ATF2: variants seen among roughly 807,000 people sequenced by gnomAD.
ATF2 encodes the protein activating transcription factor 2.
In ATF2, 24 loss-of-function variants were observed where a neutral mutation model predicts 60.6. The observed-to-expected ratio is 0.40, with a 90% CI of 0.29 to 0.56. The LOEUF (loss-of-function observed/expected upper bound fraction) is 0.56. ATF2 is among the 20% of genes least tolerant of loss of function. The pLI is 0.54. For missense variants in ATF2, 433 were observed against 607.7 expected (o/e 0.71, Z 3.02); for synonymous variants, 206 against 215.4 (o/e 0.96, Z 0.38).
At position 175,157,677 on chromosome 2, in the gene ATF2, CACG is replaced by C. The variant is rs1443733037; in HGVS notation, c.-142-6522_-142-6520del. Among the ~76,000 whole-genome samples, 19 of 152,256 alleles carry C rather than the reference CACG, an allele frequency of 1.2e-4. No individual in the cohort carries two copies. The East Asian group carries it at 3.7e-3, about 29-fold the overall frequency. On this transcript the variant is annotated intron_variant, in intron 1 of 13. Coordinates refer to ENST00000264110, the MANE Select transcript of ATF2 (RefSeq NM_001880.4). ...GGCACGCTAGCACAATGACACTAGACACGACTTTATTCCCTTTCAAACATCTGT... is the reference window on the plus strand; with the variant it reads ...GGCACGCTAGCACAATGACACTAGACACTTTATTCCCTTTCAAACATCTGT...
At chr2:175,163,013 A>G (rs1366579184) in intron 1 of ATF2, among the ~76,000 whole-genome samples, 3 of 152,126 alleles carry the variant, frequency 2.0e-5, no homozygotes, top group Non-Finnish European at 4.4e-5. Context: ...GGGTGCCTGT[A>G]GTCCCAGCTA....
At chr2:175,156,377 CAAAAAAAAAAAAAAA>C (rs57399474) in intron 1 of ATF2, among the ~76,000 whole-genome samples, 1 of 55,982 alleles carries the variant, frequency 1.8e-5, no homozygotes, top group African/African-American at 5.8e-5. Context: ...TCTCAAAAAA[CAAAAAAAAAAAAAAA>C]AAAAAAAAAA....
chr2:175,158,085 T>G (rs1399386330), intron 1 of ATF2, among the ~76,000 whole-genome samples: 1 of 152,086 alleles, frequency 6.6e-6, no homozygotes, highest in Non-Finnish European at 1.5e-5. Context: ...ATGACTATCT[T>G]CATACATTCC....
intron 12 of ATF2, among the ~76,000 whole-genome samples, chr2:175,081,746 A>G (rs1693771384): frequency 6.6e-6 from 1 of 152,196 alleles, no homozygotes; most frequent in South Asian, 2.1e-4. Flanking sequence ...TTAAGCAGAA[A>G]GCTGAATGTA....
At position 175,072,482 on chromosome 2, in the gene ATF2, T is replaced by C. The variant is rs528954086; in HGVS notation, c.*2127A>G. 5 of 152,288 alleles carry C rather than the reference T, an allele frequency of 3.3e-5. No individual in the cohort carries two copies. In the East Asian group the frequency reaches 9.6e-4, roughly 29 times the overall value. 9.4% of individuals were successfully genotyped at this position (152,288 alleles called of 1,614,324 possible). A position where few individuals can be genotyped will look rare whatever the true frequency, so the allele number is the denominator to read the frequency against. ...TTTACAATGAAAGTTTTGCTAACCTTGGTAAGCTTGTTAACCGTTTACATG... is the reference window on the plus strand; with the variant it reads ...TTTACAATGAAAGTTTTGCTAACCTCGGTAAGCTTGTTAACCGTTTACATG... On this transcript the variant is annotated 3_prime_UTR_variant, in exon 14 of 14. Transcript: ENST00000264110.
chr2:175,075,372 G>A (rs1693222081), intron 13 of ATF2, among the ~76,000 whole-genome samples: 1 of 152,120 alleles, frequency 6.6e-6, no homozygotes, highest in Admixed American at 6.6e-5. Context: ...TTCTAATGAT[G>A]CATACATAGG....
At chr2:175,075,034 A>G (rs79907460) in intron 13 of ATF2, 199 bp from the exon 14 acceptor site, 55,585 of 1,445,064 alleles carry the variant, frequency 0.038, 1,224 homozygotes, top group Middle Eastern at 0.049. Flanking sequence ...AACCATGCAT[A>G]TGGAAACATC....
chr2:175,096,067 G>A (rs138243008), intron 11 of ATF2, among the ~76,000 whole-genome samples: 2 of 152,276 alleles, frequency 1.3e-5, no homozygotes, highest in Non-Finnish European at 2.9e-5. Flanking sequence ...ATACAGTTAT[G>A]TAAATACCTA....
chr2:175,143,890 C>T (rs1698766028), intron 2 of ATF2, among the ~76,000 whole-genome samples: 1 of 152,022 alleles, frequency 6.6e-6, no homozygotes, highest in Admixed American at 6.6e-5. Flanking sequence ...CCTTCTCAGA[C>T]TTGAGCAATC....
intron 10 of ATF2, among the ~76,000 whole-genome samples, chr2:175,102,217 G>C (rs1410074872): frequency 6.6e-6 from 1 of 152,120 alleles, no homozygotes; most frequent in African/African-American, 2.4e-5. Flanking sequence ...TTACTTCCCA[G>C]AATCAAAGTT....
rs558499023 is a variant in ATF2 at position 175,165,864 on chromosome 2, C to T, written c.-143+2186G>A. Among the ~76,000 whole-genome samples, 194 of 152,266 alleles carry T rather than the reference C, an allele frequency of 1.3e-3. 1 individual carries two copies. Among genetic ancestry groups the T allele is most frequent in the African/African-American group, 4.5e-3 (188 of 41,554 alleles). ...TATTTTTAGTAGAGACGGGGTTTCA[C>T]CGTGTTAGCTAGGATGGTCTCGATC... is the stretch of plus-strand genomic sequence containing the variant. On this transcript the variant is annotated intron_variant, in intron 1 of 13. Coordinates refer to ENST00000264110, the MANE Select transcript of ATF2 (RefSeq NM_001880.4).
chr2:175,128,304 C>T (rs555758085), intron 4 of ATF2, among the ~76,000 whole-genome samples: 1 of 152,200 alleles, frequency 6.6e-6, no homozygotes, highest in East Asian at 1.9e-4. Flanking sequence ...AGTTCAAGAC[C>T]AGCCTGACCA....
At chr2:175,114,931 C>A in intron 7 of ATF2, 63 bp from the exon 8 acceptor site, 2 of 1,492,306 alleles carry the variant, frequency 1.3e-6, no homozygotes, top group African/African-American at 1.4e-5. Context: ...CCTTAGTGAA[C>A]AGAATGTAAC....
chr2:175,157,117 A>G (rs1277156028), intron 1 of ATF2, among the ~76,000 whole-genome samples: 1 of 152,204 alleles, frequency 6.6e-6, no homozygotes, highest in Admixed American at 6.5e-5. Context: ...CTAAAGATGC[A>G]CTCAAATCAA....
chr2:175,087,070 A>G (rs978632053), intron 12 of ATF2, among the ~76,000 whole-genome samples: 1 of 150,924 alleles, frequency 6.6e-6, no homozygotes, highest in South Asian at 2.1e-4. Flanking sequence ...ATATTAAATG[A>G]AAAAAAAATG....
Position 175,093,233 on chromosome 2 carries a change from C to CCAAA in ATF2, c.1012_1013insTTTG (p.Ser338IlefsTer12). 6.2e-7 allele frequency: 1 copy of CCAAA among 1,614,028 alleles called. No homozygotes were observed. Reference sequence around the variant, plus strand: ...TGCTCTTCTCCGACGACCACTTGTACTTTGGGTCTGTGGAGTTGTGTGAGC... The same window carrying CCAAA: ...TGCTCTTCTCCGACGACCACTTGTACCAAATTTGGGTCTGTGGAGTTGTGTGAGC... On this transcript the variant is annotated frameshift_variant, in exon 12 of 14. Transcript: ENST00000264110. LOFTEE classifies it high-confidence loss of function.
chr2:175,109,638 A>G (rs1275236905), intron 10 of ATF2, among the ~76,000 whole-genome samples: 11 of 152,246 alleles, frequency 7.2e-5, no homozygotes, highest in African/African-American at 2.7e-4. Flanking sequence ...AAAAAGTCCA[A>G]TGAATATGTA....
chr2:175,093,381 T>C, intron 11 of ATF2, 114 bp from the exon 12 acceptor site: 1 of 1,000,612 alleles, frequency 1.0e-6, no homozygotes, highest in African/African-American at 1.6e-5. Context: ...TCTTGTTGAA[T>C]ACATCAGTAT....
At chr2:175,084,254 C>T (rs1022225566) in intron 12 of ATF2, among the ~76,000 whole-genome samples, 8 of 151,968 alleles carry the variant, frequency 5.3e-5, no homozygotes, top group South Asian at 2.1e-4. Context: ...AAATGTCCAA[C>T]GATGATAGAC....
Sources: allele counts gnomAD v4.1 joint callset (sites outside exome capture counted in the v4.1 genomes callset), GRCh38; gene constraint gnomAD v4.1.1; transcripts MANE v1.5; gene names NCBI Gene and HGNC (gene_info 2026-07-23, HGNC 2026-07-21).